The following KCNH8 variants were observed in gnomAD, a reference collection of about 807,000 sequenced individuals.
KCNH8 encodes the protein voltage-gated delayed rectifier potassium channel KCNH8.
A neutral mutation model predicts 103.6 loss-of-function variants in KCNH8; 70 were observed. The ratio of observed to expected loss-of-function variants is 0.68; its 90% confidence interval spans 0.56 to 0.82. KCNH8 has a LOEUF of 0.82. KCNH8 is among the 40% of genes least tolerant of loss of function. The pLI is 0.00. For missense variants in KCNH8, 1,217 were observed against 1,329.9 expected (o/e 0.92, Z 1.32); for synonymous variants, 498 against 489.4 (o/e 1.02, Z -0.23).
rs1163528137 is a variant in KCNH8 at position 19,170,810 on chromosome 3, A to ATTTTTTT, written c.76+22026_76+22032dup. Among the ~76,000 whole-genome samples, 532 of 75,316 alleles carry ATTTTTTT rather than the reference A, an allele frequency of 7.1e-3. 33 individuals are homozygous for ATTTTTTT. Among genetic ancestry groups the ATTTTTTT allele is most frequent in the African/African-American group, 0.026 (505 of 19,348 alleles). 49.4% of individuals were successfully genotyped at this position (75,316 alleles called of 152,430 possible). A position where few individuals can be genotyped will look rare whatever the true frequency, so the allele number is the denominator to read the frequency against. ...CACACATATATATATATATATATATATTTTTTTTTTTTTTTTTGAGACGAA... is the reference window on the plus strand; with the variant it reads ...CACACATATATATATATATATATATATTTTTTTTTTTTTTTTTTTTTTTTGAGACGAA... On this transcript the variant is annotated intron_variant, in intron 1 of 15. Coordinates refer to ENST00000328405, the MANE Select transcript of KCNH8 (RefSeq NM_144633.3).
At chr3:19,493,124 G>A (rs528503855) in intron 11 of KCNH8, among the ~76,000 whole-genome samples, 1 of 152,146 alleles carries the variant, frequency 6.6e-6, no homozygotes, top group South Asian at 2.1e-4. Flanking sequence ...GTAGCCTCTT[G>A]GCAGAGTCTT....
intron 11 of KCNH8, among the ~76,000 whole-genome samples, chr3:19,485,643 T>C (rs1006647670): frequency 6.6e-6 from 1 of 152,136 alleles, no homozygotes; most frequent in African/African-American, 2.4e-5. Flanking sequence ...GGAAAAAGTC[T>C]TTTTCTTCCT....
intron 2 of KCNH8, among the ~76,000 whole-genome samples, chr3:19,273,459 T>G (rs2064618954): frequency 6.6e-6 from 1 of 152,158 alleles, no homozygotes; most frequent in Non-Finnish European, 1.5e-5. Flanking sequence ...AGAGGATCAT[T>G]GAAAAGATAG....
intron 3 of KCNH8, among the ~76,000 whole-genome samples, chr3:19,309,914 G>T (rs1250643359): frequency 6.6e-6 from 1 of 151,880 alleles, no homozygotes; most frequent in East Asian, 1.9e-4. Context: ...TGGGTCAAGT[G>T]TCTCACCTCT....
chr3:19,165,330 C>G (rs1489603088), intron 1 of KCNH8, among the ~76,000 whole-genome samples: 1 of 152,154 alleles, frequency 6.6e-6, no homozygotes, highest in Non-Finnish European at 1.5e-5. Context: ...GATGAGCAGC[C>G]TTTTCTGGAG....
intron 11 of KCNH8, among the ~76,000 whole-genome samples, chr3:19,468,432 G>C (rs988576345): frequency 6.6e-6 from 1 of 152,162 alleles, no homozygotes; most frequent in Non-Finnish European, 1.5e-5. Context: ...ATATCTGTTA[G>C]ACATAGCAAA....
chr3:19,328,621 G>GA (rs35583766), intron 3 of KCNH8, among the ~76,000 whole-genome samples: 1 of 151,850 alleles, frequency 6.6e-6, no homozygotes, highest in Admixed American at 6.6e-5. Flanking sequence ...AAATTCTGTG[G>GA]AAAAAAATAT....
intron 11 of KCNH8, among the ~76,000 whole-genome samples, chr3:19,496,783 T>C (rs1171686275): frequency 6.6e-6 from 1 of 152,190 alleles, no homozygotes; most frequent in Non-Finnish European, 1.5e-5. Flanking sequence ...CTTTTCTTTA[T>C]ACATCTGGCA....
intron 3 of KCNH8, among the ~76,000 whole-genome samples, chr3:19,304,983 T>C: frequency 6.6e-6 from 1 of 151,894 alleles, no homozygotes; most frequent in East Asian, 1.9e-4. Flanking sequence ...TGAAACTGAT[T>C]GGAAAGGAGT....
intron 3 of KCNH8, among the ~76,000 whole-genome samples, chr3:19,299,585 A>G (rs957938829): frequency 6.6e-6 from 1 of 151,950 alleles, no homozygotes; most frequent in Non-Finnish European, 1.5e-5. Context: ...TCTACAACAA[A>G]CCCCTATGAC....
chr3:19,448,584 T>C (rs1202751258), intron 8 of KCNH8, among the ~76,000 whole-genome samples: 1 of 151,998 alleles, frequency 6.6e-6, no homozygotes, highest in East Asian at 1.9e-4. Context: ...GAACAAGATT[T>C]GAATTGGGGA....
intron 3 of KCNH8, among the ~76,000 whole-genome samples, chr3:19,291,229 G>A (rs1398629414): frequency 8.6e-5 from 13 of 152,022 alleles, no homozygotes; most frequent in East Asian, 3.9e-4. Context: ...AGGGTTTTTT[G>A]TGTCTCTATT....
rs1341001813 is a variant in KCNH8 at position 19,441,958 on chromosome 3, GGAAA to G, written c.1375+3600_1375+3603del. 9.8e-5 allele frequency among the ~76,000 whole-genome samples: 15 copies of G among 152,288 alleles called. No homozygotes were observed. The East Asian group carries it at 1.7e-3, about 18-fold the overall frequency. ...TTGGAGGAGATGGGCTTAAACATGT[GGAAA>G]GAGTTTTAATGATACCAGGCAGTAA... On this transcript the variant is annotated intron_variant, in intron 8 of 15. Coordinates refer to ENST00000328405, the MANE Select transcript of KCNH8 (RefSeq NM_144633.3).
intron 11 of KCNH8, among the ~76,000 whole-genome samples, chr3:19,484,103 C>CT: frequency 6.6e-6 from 1 of 152,208 alleles, no homozygotes; most frequent in South Asian, 2.1e-4. Context: ...TGGGCACCCC[C>CT]TTTCTTTTGT....
chr3:19,167,001 C>T (rs1017988428), intron 1 of KCNH8, among the ~76,000 whole-genome samples: 5 of 152,144 alleles, frequency 3.3e-5, no homozygotes, highest in African/African-American at 1.2e-4. Context: ...TATATCCAGC[C>T]TCCTGCATTA....
At chr3:19,518,107 G>T in intron 15 of KCNH8, 33 bp downstream of exon 15, 1 of 1,513,904 alleles carries the variant, frequency 6.6e-7, no homozygotes, top group South Asian at 1.1e-5. Flanking sequence ...ATGCCTAAAT[G>T]GTAAGAGGAG....
At chr3:19,504,964 G>GAT (rs1349332021) in intron 11 of KCNH8, among the ~76,000 whole-genome samples, 1 of 147,678 alleles carries the variant, frequency 6.8e-6, no homozygotes, top group African/African-American at 2.5e-5. Context: ...AAGAAAATGT[G>GAT]AGATATATAT....
chr3:19,350,471 C>A (rs1423633601), intron 5 of KCNH8, among the ~76,000 whole-genome samples: 1 of 152,156 alleles, frequency 6.6e-6, no homozygotes, highest in Non-Finnish European at 1.5e-5. Context: ...CTGGGAGATA[C>A]TTCCCAGTAG....
At chr3:19,188,439 T>A (rs778588945) in intron 1 of KCNH8, among the ~76,000 whole-genome samples, 7 of 152,046 alleles carry the variant, frequency 4.6e-5, no homozygotes, top group Non-Finnish European at 1.0e-4. Context: ...AACAAATGAA[T>A]GTGGTTAGTT....
Sources: allele counts gnomAD v4.1 joint callset (sites outside exome capture counted in the v4.1 genomes callset), GRCh38; gene constraint gnomAD v4.1.1; transcripts MANE v1.5; gene names NCBI Gene and HGNC (gene_info 2026-07-23, HGNC 2026-07-21).